The following SLC36A1 variants were observed in gnomAD, a reference collection of about 807,000 sequenced individuals.
SLC36A1 encodes the protein proton-coupled amino acid transporter 1.
A neutral mutation model predicts 47.5 loss-of-function variants in SLC36A1; 30 were observed. That is an observed-to-expected ratio of 0.63 (90% confidence interval 0.47 to 0.86). SLC36A1 has a LOEUF of 0.86. Ranked by LOEUF, SLC36A1 falls within the 40% of genes least tolerant of loss-of-function variation. SLC36A1 has a pLI of 0.00. For synonymous variants in SLC36A1, 255 were observed against 249.7 expected, an observed-to-expected ratio of 1.02 and a Z score of -0.20; for missense variants, 517 against 606.0, an observed-to-expected ratio of 0.85 and a Z score of 1.54.
chr5:151,500,441 C>T, the SLC36A1 span, among the ~76,000 whole-genome samples: 1 of 152,166 alleles, frequency 6.6e-6, no homozygotes, highest in African/African-American at 2.4e-5. Context: ...GATCTCGGCT[C>T]ACTGCAAACT....
chr5:151,544,490 A>G, the SLC36A1 span: 21 of 1,613,894 alleles, frequency 1.3e-5, no homozygotes, highest in African/African-American at 8.0e-5. Flanking sequence ...AACAGCATCA[A>G]GGGTTCTTCC....
downstream of SLC36A1, among the ~76,000 whole-genome samples, chr5:151,496,888 A>G (rs1007165646): frequency 3.3e-5 from 5 of 152,216 alleles, no homozygotes; most frequent in African/African-American, 1.2e-4. Flanking sequence ...TGGAGCAATT[A>G]TAAATGGTAT....
At chr5:151,482,488 C>T (rs1758930524) in intron 10 of SLC36A1, among the ~76,000 whole-genome samples, 1 of 152,142 alleles carries the variant, frequency 6.6e-6, no homozygotes, top group Non-Finnish European at 1.5e-5. Context: ...GAAGAAATTC[C>T]AGTATTCCAC....
At chr5:151,440,321 G>A (rs138860475) in intron 1 of SLC36A1, among the ~76,000 whole-genome samples, 1 of 152,264 alleles carries the variant, frequency 6.6e-6, no homozygotes, top group Non-Finnish European at 1.5e-5. Context: ...CACATTGTAA[G>A]CATATTTTCT....
At chr5:151,385,037 T>TGTGTGTGTGTGTGAGA in the SLC36A1 span, among the ~76,000 whole-genome samples, 10 of 142,110 alleles carry the variant, frequency 7.0e-5, no homozygotes, top group African/African-American at 2.8e-4. Context: ...TGTGTGTGTG[T>TGTGTGTGTGTGTGAGA]GAGAGAGAGA....
the SLC36A1 span, among the ~76,000 whole-genome samples, chr5:151,388,309 C>G: frequency 3.3e-5 from 5 of 151,976 alleles, no homozygotes; most frequent in Admixed American, 2.0e-4. Flanking sequence ...CAAGACCAGA[C>G]GGTCCAACAT....
At chr5:151,358,224 A>G in the SLC36A1 span, among the ~76,000 whole-genome samples, 3 of 152,076 alleles carry the variant, frequency 2.0e-5, no homozygotes, top group Non-Finnish European at 2.9e-5. Flanking sequence ...GCAAAGACCC[A>G]AGTAGGGAGA....
the SLC36A1 span, among the ~76,000 whole-genome samples, chr5:151,528,839 T>C: frequency 1.3e-5 from 2 of 152,172 alleles, no homozygotes; most frequent in Non-Finnish European, 2.9e-5. Flanking sequence ...CGTCACCCGC[T>C]ATGACCAGGC....
At chr5:151,458,316 ATATATATATATATATATGGGATATT>A (rs779598726) in intron 1 of SLC36A1, among the ~76,000 whole-genome samples, 75 of 64,950 alleles carry the variant, frequency 1.2e-3, no homozygotes, top group South Asian at 2.2e-3. Context: ...ATATACGTAT[ATATATATATATATATATGGGATATT>A]TATATATATA....
At chr5:151,379,820 G>T in the SLC36A1 span, among the ~76,000 whole-genome samples, 5 of 151,904 alleles carry the variant, frequency 3.3e-5, no homozygotes, top group African/African-American at 1.2e-4. Flanking sequence ...TATACTTATG[G>T]CACGTCTCAA....
At chr5:151,533,373 C>T in the SLC36A1 span, among the ~76,000 whole-genome samples, 1 of 149,078 alleles carries the variant, frequency 6.7e-6, no homozygotes, top group East Asian at 2.0e-4. Context: ...AAGTCTATTC[C>T]ACTTGCACTT....
the SLC36A1 span, among the ~76,000 whole-genome samples, chr5:151,420,278 C>T: frequency 1.3e-5 from 2 of 152,216 alleles, no homozygotes; most frequent in African/African-American, 4.8e-5. Context: ...CTCCATCCTT[C>T]TGGAGCTGTC....
chr5:151,359,867 A>C, the SLC36A1 span, among the ~76,000 whole-genome samples: 2 of 152,152 alleles, frequency 1.3e-5, no homozygotes, highest in African/African-American at 4.8e-5. Flanking sequence ...TGTTTCTTTT[A>C]ATTGTTGATT....
the SLC36A1 span, among the ~76,000 whole-genome samples, chr5:151,364,714 G>T: frequency 6.6e-6 from 1 of 152,122 alleles, no homozygotes; most frequent in Non-Finnish European, 1.5e-5. Flanking sequence ...TGTGGCTTAA[G>T]CAAAAAGGAA....
At chr5:151,553,072 G>A in the SLC36A1 span, 567 of 1,170,490 alleles carry the variant, frequency 4.8e-4, no homozygotes, top group Admixed American at 1.4e-3. Flanking sequence ...GGCTGCCGAG[G>A]AGCCCGACCT....
the SLC36A1 span, among the ~76,000 whole-genome samples, chr5:151,424,874 C>A: frequency 6.6e-6 from 1 of 152,004 alleles, no homozygotes; most frequent in Non-Finnish European, 1.5e-5. Context: ...TTTTTAGGGG[C>A]AATGCAATTT....
chr5:151,469,453 G>A (rs953085880), intron 7 of SLC36A1, among the ~76,000 whole-genome samples: 3 of 152,172 alleles, frequency 2.0e-5, no homozygotes, highest in Non-Finnish European at 4.4e-5. Context: ...ATCACAGCAA[G>A]GAGATTTGCT....
At chr5:151,378,453 G>T in the SLC36A1 span, 1 of 203,910 alleles carries the variant, frequency 4.9e-6, no homozygotes, top group Non-Finnish European at 1.1e-5. Flanking sequence ...AGCTATATCT[G>T]TCTTAAGGCA....
At chr5:151,383,917 C>T in the SLC36A1 span, among the ~76,000 whole-genome samples, 1 of 152,050 alleles carries the variant, frequency 6.6e-6, no homozygotes, top group Non-Finnish European at 1.5e-5. Flanking sequence ...GTTTAAGGTA[C>T]GTTATTGGTA....
Sources: gnomAD v4.1 joint callset for allele counts (sites outside exome capture counted in the v4.1 genomes callset) on GRCh38, gnomAD v4.1.1 for gene constraint, MANE v1.5 for transcripts, NCBI Gene and HGNC (gene_info 2026-07-23, HGNC 2026-07-21) for gene names.